The following LPP variants were observed in gnomAD, a reference collection of about 807,000 sequenced individuals.
LPP encodes the protein LIM domain containing preferred translocation partner in lipoma, also known as lipoma-preferred partner.
LPP carries 38 observed loss-of-function variants against 60.4 expected under a neutral mutation model. The observed-to-expected ratio is 0.63, with a 90% confidence interval of 0.49 to 0.83. The LOEUF is 0.83. Among genes scored for constraint, LPP ranks in the 40% least tolerant of loss-of-function variants. The probability of loss-of-function intolerance (pLI) is 0.00; values close to 1 mark genes in which losing one functional copy is unlikely to be tolerated. For missense variants in LPP, 902 were observed against 783.6 expected (o/e 1.15, Z -1.80); for synonymous variants, 328 against 290.8 (o/e 1.13, Z -1.30).
chr3:188,441,129 G>T (rs114347008), intron 4 of LPP, among the ~76,000 whole-genome samples: 1,801 of 151,954 alleles, frequency 0.012, 34 homozygotes, highest in African/African-American at 0.041. Context: ...TTTATACTAT[G>T]CTATCATTGA....
chr3:188,461,951 A>T (rs1568576), intron 4 of LPP, among the ~76,000 whole-genome samples: 34,891 of 152,024 alleles, frequency 0.23, 4,123 homozygotes, highest in African/African-American at 0.28. Flanking sequence ...GAATTATTAG[A>T]TCAAATGGTA....
chr3:188,871,675 T>C lies in LPP; in HGVS notation c.1590-968T>C, dbSNP rs74405626. 1.2e-3 allele frequency among the ~76,000 whole-genome samples: 189 copies of C among 152,330 alleles called. 2 individuals carry two copies. The East Asian group carries it at 0.015, about 12-fold the overall frequency. ...CTGAGTCACAGTCTGTTTTTCTTTTTTTAAATCTCTTCAGTTCTTATCCAG... is the reference window on the plus strand; with the variant it reads ...CTGAGTCACAGTCTGTTTTTCTTTTCTTAAATCTCTTCAGTTCTTATCCAG... On this transcript the variant is annotated intron_variant, in intron 10 of 11. Coordinates refer to ENST00000617246, the MANE Select transcript of LPP (RefSeq NM_001375462.1).
At chr3:188,726,568 C>T (rs185907821) in intron 8 of LPP, among the ~76,000 whole-genome samples, 1 of 152,094 alleles carries the variant, frequency 6.6e-6, no homozygotes, top group African/African-American at 2.4e-5. Context: ...AGCAGTATAT[C>T]CTATTGAGAA....
At chr3:188,506,037 T>C (rs1437446153) in intron 5 of LPP, among the ~76,000 whole-genome samples, 1 of 152,180 alleles carries the variant, frequency 6.6e-6, no homozygotes, top group Non-Finnish European at 1.5e-5. Context: ...CCAATTTTTC[T>C]TGTGTCTTTC....
At chr3:188,700,246 G>A (rs1036561977) in intron 7 of LPP, among the ~76,000 whole-genome samples, 4 of 152,096 alleles carry the variant, frequency 2.6e-5, no homozygotes, top group African/African-American at 9.7e-5. Context: ...TTTCTGGTAA[G>A]GTTCAGATTT....
intron 6 of LPP, among the ~76,000 whole-genome samples, chr3:188,593,352 A>G (rs1193072882): frequency 6.6e-6 from 1 of 152,166 alleles, no homozygotes; most frequent in Non-Finnish European, 1.5e-5. Flanking sequence ...CAGATTAAAT[A>G]GAGAAAATTA....
At chr3:188,601,105 AG>A (rs1841072480) in intron 6 of LPP, among the ~76,000 whole-genome samples, 1 of 152,096 alleles carries the variant, frequency 6.6e-6, no homozygotes, top group African/African-American at 2.4e-5. Flanking sequence ...TCCTGCTTTT[AG>A]TTATTTTAGG....
chr3:188,817,434 A>G (rs1240091990), intron 9 of LPP, among the ~76,000 whole-genome samples: 2 of 152,156 alleles, frequency 1.3e-5, no homozygotes, highest in African/African-American at 4.8e-5. Flanking sequence ...AAATTTCAAA[A>G]GGGCTGTTAA....
chr3:188,279,433 A>G (rs1240349459), intron 2 of LPP, among the ~76,000 whole-genome samples: 1 of 152,268 alleles, frequency 6.6e-6, no homozygotes, highest in African/African-American at 2.4e-5. Context: ...GAATTATATG[A>G]CAGGGAACAT....
intron 3 of LPP, among the ~76,000 whole-genome samples, chr3:188,363,252 T>G (rs1055909938): frequency 5.3e-5 from 8 of 152,136 alleles, no homozygotes; most frequent in African/African-American, 1.9e-4. Context: ...GCCTTTAACC[T>G]TTTCTGGAAG....
At position 188,396,194 on chromosome 3, in the gene LPP, C is replaced by T. The variant is rs73050757; in HGVS notation, c.-9-9918C>T. On this transcript the variant is annotated intron_variant, in intron 3 of 11. Transcript: ENST00000617246. The stretch of plus-strand genomic sequence containing the variant: ...GTTATCAGATGTAAATATGTCTTAA[C>T]GTTCATCAATAGTAGACTCATATTC... Among the ~76,000 whole-genome samples, 344 of 152,150 alleles carry T rather than the reference C, an allele frequency of 2.3e-3. 2 individuals carry two copies. Among genetic ancestry groups the T allele is most frequent in the African/African-American group, 7.9e-3 (327 of 41,504 alleles).
intron 2 of LPP, among the ~76,000 whole-genome samples, chr3:188,309,338 T>A (rs996204395): frequency 1.3e-5 from 2 of 152,126 alleles, no homozygotes; most frequent in African/African-American, 4.8e-5. Context: ...GCGTTTCTTC[T>A]AATATACAGT....
intron 8 of LPP, 27 bp downstream of exon 8, chr3:188,708,420 GAAGT>G (rs1424049512): frequency 6.2e-7 from 1 of 1,614,136 alleles, no homozygotes; most frequent in African/African-American, 1.3e-5. Context: ...GCTGACTTCT[GAAGT>G]AACTATCTTG....
chr3:188,486,818 A>T (rs1806690548), intron 5 of LPP, among the ~76,000 whole-genome samples: 1 of 152,184 alleles, frequency 6.6e-6, no homozygotes, highest in South Asian at 2.1e-4. Context: ...GAGTCCTATA[A>T]AGTTTGTATT....
chr3:188,330,495 C>G lies in LPP; in HGVS notation c.-66-11168C>G, dbSNP rs114235972. Among the ~76,000 whole-genome samples the G allele has an allele frequency of 4.9e-3, 752 of 152,184 alleles. 3 individuals are homozygous for G. Among genetic ancestry groups the G allele is most frequent in the Non-Finnish European group, 8.8e-3 (595 of 67,990 alleles). ...TCAAACTTTGTTTATTAGCTTTTTT[C>G]CTGATTCTTCTTTCATGTCTTTCTT... On this transcript the variant is annotated intron_variant, in intron 2 of 11. Transcript: ENST00000617246.
intron 8 of LPP, among the ~76,000 whole-genome samples, chr3:188,737,574 G>A (rs1267204243): frequency 6.6e-6 from 1 of 151,970 alleles, no homozygotes; most frequent in Non-Finnish European, 1.5e-5. Flanking sequence ...TTTCCCACTC[G>A]CCCTCAGTTG....
At chr3:188,292,314 A>T (rs764753770) in intron 2 of LPP, among the ~76,000 whole-genome samples, 1 of 152,238 alleles carries the variant, frequency 6.6e-6, no homozygotes, top group East Asian at 1.9e-4. Context: ...TTTTAAGTGA[A>T]ATAAGTTCTC....
intron 7 of LPP, among the ~76,000 whole-genome samples, chr3:188,656,815 C>T (rs898811081): frequency 6.6e-6 from 1 of 152,274 alleles, no homozygotes; most frequent in African/African-American, 2.4e-5. Flanking sequence ...CACAGCATGC[C>T]ACTGAGGGCT....
intron 5 of LPP, among the ~76,000 whole-genome samples, chr3:188,500,156 G>A (rs1054543564): frequency 6.6e-6 from 1 of 151,574 alleles, no homozygotes; most frequent in African/African-American, 2.4e-5. Flanking sequence ...AATTGTTATG[G>A]CAAAAGCTGG....
Sources: gnomAD v4.1 joint callset for allele counts (sites outside exome capture counted in the v4.1 genomes callset) on GRCh38, gnomAD v4.1.1 for gene constraint, MANE v1.5 for transcripts, NCBI Gene and HGNC (gene_info 2026-07-23, HGNC 2026-07-21) for gene names.